EPHX4: variants seen among roughly 807,000 people sequenced by gnomAD.
The protein encoded by EPHX4 is abhydrolase domain containing 7.
EPHX4 carries 31 observed loss-of-function variants against 44.9 expected under a neutral mutation model. That is an observed-to-expected ratio of 0.69 (90% CI 0.52 to 0.93). The LOEUF (loss-of-function observed/expected upper bound fraction) is 0.93. Among genes scored for constraint, EPHX4 ranks in the 40% least tolerant of loss-of-function variants. The pLI is 0.00. For missense variants in EPHX4, 373 were observed against 438.1 expected, an observed-to-expected ratio of 0.85 and a Z score of 1.33; for synonymous variants, 151 against 159.7, an observed-to-expected ratio of 0.95 and a Z score of 0.41.
At chr1:92,030,419 C>T in intron 1 of EPHX4, 109 bp downstream of exon 1, 2 of 947,950 alleles carry the variant, frequency 2.1e-6, no homozygotes, top group South Asian at 1.8e-5. Flanking sequence ...CCCCTAGTGT[C>T]CTGGCAGGAG....
chr1:92,063,494 A>C lies in EPHX4; in HGVS notation c.*208A>C, dbSNP rs1393599266. The C allele has an allele frequency of 9.6e-6, 4 of 417,722 alleles. No homozygotes were observed. The highest frequency in any genetic ancestry group is 1.7e-5 in the Non-Finnish European group (4 of 234,568). The allele number at this position is 417,722 out of a possible 1,614,324, so 25.9% of individuals were successfully genotyped here. The stretch of plus-strand genomic sequence containing the variant: ...GATTTTCTTCTGGTGTATTTTGCAC[A>C]GACAAGCATCTGCCTTAAAATATAT... On this transcript the variant is annotated 3_prime_UTR_variant, in exon 7 of 7. Transcript: ENST00000370383.
At chr1:92,059,794 AT>A (rs35748629) in intron 6 of EPHX4, among the ~76,000 whole-genome samples, 1 of 152,152 alleles carries the variant, frequency 6.6e-6, no homozygotes, top group East Asian at 1.9e-4. Flanking sequence ...CATTATCAAA[AT>A]TTATTCTAAG....
At chr1:92,062,611 GA>G (rs1184203267) in intron 6 of EPHX4, among the ~76,000 whole-genome samples, 3 of 111,704 alleles carry the variant, frequency 2.7e-5, no homozygotes, top group Non-Finnish European at 5.7e-5. Flanking sequence ...AAAAAAAAAA[GA>G]AACAAATTAC....
chr1:92,063,300 T>G lies in EPHX4; in HGVS notation c.*14T>G, dbSNP rs756300343. The G allele has an allele frequency of 1.0e-5, 16 of 1,540,006 alleles. No homozygotes were observed. The highest frequency in any genetic ancestry group is 1.8e-5 in the Admixed American group (1 of 54,688). ...AAAAAAGATTGACTTTTCTTTATCT[T>G]CTATGAAGGGTCTGTAATGAAATCT... On this transcript the variant is annotated 3_prime_UTR_variant, in exon 7 of 7. Coordinates refer to ENST00000370383, the MANE Select transcript of EPHX4 (RefSeq NM_173567.5).
At chr1:92,050,449 T>A in intron 5 of EPHX4, 29 bp downstream of exon 5, 2 of 1,027,488 alleles carry the variant, frequency 1.9e-6, no homozygotes, top group Non-Finnish European at 2.8e-6. Flanking sequence ...ACAAATAATG[T>A]ATTATTATTA....
rs1647224261 is a variant in EPHX4, at chr1:92,050,235, A to G, written c.605-82A>G. 14 of 847,090 alleles carry G rather than the reference A, an allele frequency of 1.7e-5. No individual in the cohort carries two copies. In the South Asian group the frequency reaches 2.3e-4, roughly 14 times the overall value. The allele number at this position is 847,090 out of a possible 1,614,324, so 52.5% of individuals were successfully genotyped here. A position where few individuals can be genotyped will look rare whatever the true frequency, so the allele number is the denominator to read the frequency against. On this transcript the variant is annotated intron_variant, in intron 4 of 6. Transcript: ENST00000370383. Reference sequence around the variant, plus strand: ...TCTTTTATGGGATCATCTTAAAGTAAAATTGTCCTAAAAAGAAGTTCTTCT... The same window carrying G: ...TCTTTTATGGGATCATCTTAAAGTAGAATTGTCCTAAAAAGAAGTTCTTCT...
At chr1:92,032,952 C>T (rs1211994520) in intron 2 of EPHX4, among the ~76,000 whole-genome samples, 1 of 152,176 alleles carries the variant, frequency 6.6e-6, no homozygotes, top group South Asian at 2.1e-4. Context: ...AGGTCTTACT[C>T]TGTCACCCAG....
intron 2 of EPHX4, among the ~76,000 whole-genome samples, chr1:92,033,046 T>C (rs1172294855): frequency 6.6e-6 from 1 of 151,168 alleles, no homozygotes; most frequent in African/African-American, 2.4e-5. Context: ...GCCTACCAAG[T>C]AGCTGGGACT....
rs949586478 is a variant in EPHX4, at chr1:92,050,253, G to A, written c.605-64G>A. ...TAAAGTAAAATTGTCCTAAAAAGAA[G>A]TTCTTCTAACAGTAAGTAATTTATA... On this transcript the variant is annotated intron_variant, in intron 4 of 6. Coordinates refer to ENST00000370383, the MANE Select transcript of EPHX4 (RefSeq NM_173567.5). The A allele has an allele frequency of 1.7e-5, 17 of 1,009,690 alleles. No individual in the cohort carries two copies. The African/African-American group carries it at 2.5e-4, about 15-fold the overall frequency. 62.5% of individuals were successfully genotyped at this position (1,009,690 alleles called of 1,614,324 possible). A position where few individuals can be genotyped will look rare whatever the true frequency, so the allele number is the denominator to read the frequency against.
rs1321634001 is a variant in EPHX4, at chr1:92,030,273, A to G, written c.194A>G (p.Asp65Gly). The G allele has an allele frequency of 6.3e-7, 1 of 1,598,238 alleles. No individual in the cohort carries two copies. Among genetic ancestry groups the G allele is most frequent in the African/African-American group, 1.3e-5 (1 of 74,312 alleles). Reference sequence around the variant, plus strand: ...GAGCACCCTCCCGCGTGCCTGAGCGACCCCTCCTTGGGCACCCACTGCTAC... The same window carrying G: ...GAGCACCCTCCCGCGTGCCTGAGCGGCCCCTCCTTGGGCACCCACTGCTAC... ...AREHPPACLS[D>G]PSLGTHCYVR... The change falls in exon 1 of 7, where the codon GAC becomes GGC. Residue 65 changes from aspartate to glycine, a missense_variant. Asp to Gly is a moderately conservative substitution (Grantham distance 94, BLOSUM62 -1). Coordinates refer to ENST00000370383, the MANE Select transcript of EPHX4 (RefSeq NM_173567.5).
At position 92,032,599 on chromosome 1, in the gene EPHX4, A is replaced by G; in HGVS notation, c.317+9A>G. 1 of 1,610,084 alleles carries G rather than the reference A, an allele frequency of 6.2e-7. No homozygotes were observed. ...GGATTTCCAGAATTCTGGTAAGCTT[A>G]CCAACTAACATTTATTGTTACATTA... On this transcript the variant is annotated intron_variant, in intron 2 of 6. Transcript: ENST00000370383.
chr1:92,050,444 T>A, intron 5 of EPHX4, 24 bp downstream of exon 5: 1 of 1,226,074 alleles, frequency 8.2e-7, no homozygotes, highest in Non-Finnish European at 1.2e-6. Flanking sequence ...ATCAAACAAA[T>A]AATGTATTAT....
intron 2 of EPHX4, among the ~76,000 whole-genome samples, chr1:92,033,081 CT>C (rs35411599): frequency 0.19 from 26,126 of 137,540 alleles, 2,763 homozygotes; most frequent in Middle Eastern, 0.28. Context: ...CCACACCTAG[CT>C]TTTTTTTTTT....
chr1:92,033,343 AT>A (rs1052296319), intron 2 of EPHX4, among the ~76,000 whole-genome samples: 7 of 152,010 alleles, frequency 4.6e-5, no homozygotes, highest in Non-Finnish European at 1.0e-4. Flanking sequence ...AAATTTATAT[AT>A]TTTTTTGAGG....
At chr1:92,035,245 G>A (rs1409581842) in intron 2 of EPHX4, among the ~76,000 whole-genome samples, 2 of 152,142 alleles carry the variant, frequency 1.3e-5, no homozygotes, top group African/African-American at 4.8e-5. Flanking sequence ...AGTGCAATTC[G>A]AGCATATGCA....
chr1:92,054,852 G>A (rs1032444834), intron 6 of EPHX4, among the ~76,000 whole-genome samples: 1 of 152,024 alleles, frequency 6.6e-6, no homozygotes, highest in African/African-American at 2.4e-5. Context: ...TTGCAGATCA[G>A]ACAAGCCAAA....
intron 6 of EPHX4, among the ~76,000 whole-genome samples, chr1:92,057,567 C>G (rs1217051778): frequency 2.0e-5 from 3 of 151,576 alleles, no homozygotes; most frequent in Admixed American, 2.0e-4. Flanking sequence ...AAATACACAC[C>G]CATACATAGA....
chr1:92,030,857 T>C, intron 1 of EPHX4, among the ~76,000 whole-genome samples: 1 of 152,132 alleles, frequency 6.6e-6, no homozygotes, highest in East Asian at 1.9e-4. Flanking sequence ...ATTGTGTGTG[T>C]TGTGGGGAGG....
chr1:92,040,541 T>C (rs1256279024), intron 2 of EPHX4, among the ~76,000 whole-genome samples: 1 of 151,984 alleles, frequency 6.6e-6, no homozygotes, highest in Non-Finnish European at 1.5e-5. Context: ...GTCAGGCTGG[T>C]CTTGAACTCA....
Sources: gnomAD v4.1 joint callset for allele counts (sites outside exome capture counted in the v4.1 genomes callset) on GRCh38, gnomAD v4.1.1 for gene constraint, MANE v1.5 for transcripts, NCBI Gene and HGNC (gene_info 2026-07-23, HGNC 2026-07-21) for gene names.